Variants in CADM2 observed in about 807,000 individuals in gnomAD.
CADM2 encodes the protein cell adhesion molecule 2, also known as immunoglobulin superfamily member 4D.
In CADM2, 12 loss-of-function variants were observed where a neutral mutation model predicts 49.8. The observed-to-expected ratio is 0.24, with a 90% CI of 0.15 to 0.39. The LOEUF (loss-of-function observed/expected upper bound fraction) is 0.39, where lower values mean the gene tolerates loss of function less well. Among genes scored for constraint, CADM2 ranks in the 10% least tolerant of loss-of-function variants. CADM2 has a pLI of 1.00. For synonymous variants in CADM2, 214 were observed against 175.4 expected (o/e 1.22, Z -1.74); for missense variants, 378 against 492.3 (o/e 0.77, Z 2.20).
intron 1 of CADM2, among the ~76,000 whole-genome samples, chr3:85,140,591 C>G (rs2107626860): frequency 6.6e-6 from 1 of 152,310 alleles, no homozygotes; most frequent in East Asian, 1.9e-4. Flanking sequence ...CCAACATTAT[C>G]TCACTTAATT....
intron 1 of CADM2, among the ~76,000 whole-genome samples, chr3:85,150,319 G>A (rs2039882479): frequency 6.6e-6 from 1 of 152,118 alleles, no homozygotes; most frequent in South Asian, 2.1e-4. Context: ...AGAGTGTATG[G>A]TCTTTCTGCT....
At chr3:85,815,055 G>A (rs749299863) in intron 3 of CADM2, among the ~76,000 whole-genome samples, 1 of 152,032 alleles carries the variant, frequency 6.6e-6, no homozygotes, top group African/African-American at 2.4e-5. Context: ...GGAAGAAGTC[G>A]AATCCCTGAA....
chr3:85,699,614 A>C (rs961887709), intron 1 of CADM2, among the ~76,000 whole-genome samples: 2 of 152,226 alleles, frequency 1.3e-5, no homozygotes, highest in African/African-American at 4.8e-5. Context: ...TTTGAGCCAA[A>C]GCTGAAGCTA....
At chr3:85,608,218 A>G (rs56069051) in intron 1 of CADM2, among the ~76,000 whole-genome samples, 1,701 of 152,248 alleles carry the variant, frequency 0.011, 35 homozygotes, top group African/African-American at 0.038. Flanking sequence ...TAAAATTTAA[A>G]TCTTTAAATA....
At chr3:85,816,072 A>G (rs1031919815) in intron 3 of CADM2, among the ~76,000 whole-genome samples, 4 of 152,068 alleles carry the variant, frequency 2.6e-5, no homozygotes, top group Non-Finnish European at 2.9e-5. Flanking sequence ...AACAAAATAT[A>G]TTTTTGATAA....
At chr3:84,970,438 TA>T in intron 1 of CADM2, among the ~76,000 whole-genome samples, 1 of 148,766 alleles carries the variant, frequency 6.7e-6, no homozygotes, top group East Asian at 2.0e-4. Context: ...ATACTTTTTC[TA>T]AAAAGTCCCA....
intron 1 of CADM2, among the ~76,000 whole-genome samples, chr3:85,336,885 T>TTA (rs1459053142): frequency 1.5e-4 from 22 of 142,462 alleles, no homozygotes; most frequent in South Asian, 1.5e-3. Flanking sequence ...TATATATGAA[T>TTA]TATATATATA....
At chr3:85,134,247 C>T (rs2039342814) in intron 1 of CADM2, among the ~76,000 whole-genome samples, 1 of 152,200 alleles carries the variant, frequency 6.6e-6, no homozygotes, top group Admixed American at 6.5e-5. Context: ...CGTCTCCCTC[C>T]ACACCTCCCT....
intron 1 of CADM2, among the ~76,000 whole-genome samples, chr3:85,664,933 C>G (rs1409956317): frequency 6.6e-6 from 1 of 151,884 alleles, no homozygotes; most frequent in African/African-American, 2.4e-5. Context: ...CATTAATTTA[C>G]TCACTTTAAT....
At chr3:85,173,387 CA>C (rs2040688339) in intron 1 of CADM2, among the ~76,000 whole-genome samples, 1 of 152,026 alleles carries the variant, frequency 6.6e-6, no homozygotes, top group South Asian at 2.1e-4. Flanking sequence ...TCTCATGTAA[CA>C]ATAGGGGATA....
At chr3:86,036,659 G>T (rs935223455) in intron 8 of CADM2, among the ~76,000 whole-genome samples, 1 of 151,958 alleles carries the variant, frequency 6.6e-6, no homozygotes, top group African/African-American at 2.4e-5. Flanking sequence ...TCCCTTACTA[G>T]TTTGGTGATC....
At chr3:85,393,089 T>A (rs1484943492) in intron 1 of CADM2, among the ~76,000 whole-genome samples, 11 of 128,418 alleles carry the variant, frequency 8.6e-5, no homozygotes, top group African/African-American at 2.4e-4. Flanking sequence ...GTAAACTCTT[T>A]AAAAAAAAAA....
intron 8 of CADM2, among the ~76,000 whole-genome samples, chr3:85,963,114 G>A (rs1252921791): frequency 6.6e-6 from 1 of 151,856 alleles, no homozygotes; most frequent in Non-Finnish European, 1.5e-5. Context: ...TCAATATACA[G>A]TTTTCCTATT....
intron 1 of CADM2, among the ~76,000 whole-genome samples, chr3:85,446,580 G>A (rs1423272311): frequency 1.3e-5 from 2 of 148,940 alleles, no homozygotes; most frequent in Admixed American, 1.4e-4. Flanking sequence ...ATAAAAGTGT[G>A]TGTGTGAGTT....
chr3:85,594,757 G>T (rs1316515131), intron 1 of CADM2, among the ~76,000 whole-genome samples: 1 of 151,958 alleles, frequency 6.6e-6, no homozygotes, highest in East Asian at 1.9e-4. Flanking sequence ...ATTTAAAAAT[G>T]CTTTGTTTAT....
intron 4 of CADM2, 43 bp from the exon 5 acceptor site, chr3:85,886,147 C>A (rs1165263504): frequency 2.5e-6 from 4 of 1,605,206 alleles, no homozygotes; most frequent in Non-Finnish European, 3.4e-6. Flanking sequence ...AACAAATCAA[C>A]CCTGAAGATT....
chr3:85,257,433 C>A (rs1010217439), intron 1 of CADM2, among the ~76,000 whole-genome samples: 2 of 151,948 alleles, frequency 1.3e-5, no homozygotes, highest in African/African-American at 4.8e-5. Context: ...ACAAGTATAC[C>A]AGCTGGGCCA....
At chr3:85,076,109 T>C (rs991758099) in intron 1 of CADM2, among the ~76,000 whole-genome samples, 10 of 152,004 alleles carry the variant, frequency 6.6e-5, no homozygotes, top group African/African-American at 2.2e-4. Context: ...ACTTTTTTGA[T>C]GTTCTCCATG....
intron 8 of CADM2, among the ~76,000 whole-genome samples, chr3:86,033,816 A>G (rs895598594): frequency 6.8e-6 from 1 of 147,064 alleles, no homozygotes; most frequent in African/African-American, 2.5e-5. Flanking sequence ...TAATATACAT[A>G]ATTATATATA....
Sources: gnomAD v4.1 joint callset for allele counts (sites outside exome capture counted in the v4.1 genomes callset) on GRCh38, gnomAD v4.1.1 for gene constraint, MANE v1.5 for transcripts, NCBI Gene and HGNC (gene_info 2026-07-23, HGNC 2026-07-21) for gene names.